The following GYPC variants were observed in gnomAD, a reference collection of about 807,000 sequenced individuals.
GYPC encodes glycophorin-C.
Under a neutral mutation model 12.6 loss-of-function variants are expected in GYPC, and 14 were observed. The observed-to-expected ratio is 1.11, with a 90% CI of 0.74 to 1.74. GYPC has a LOEUF of 1.74. Among genes scored for constraint, GYPC ranks in the 40% most tolerant of loss-of-function variants. The pLI is 0.00. For missense variants in GYPC, 225 were observed against 172.1 expected (o/e 1.31, Z -1.72); for synonymous variants, 78 against 62.1 (o/e 1.26, Z -1.20).
chr2:126,683,243 C>T (rs1444033854), intron 1 of GYPC, among the ~76,000 whole-genome samples: 1 of 152,052 alleles, frequency 6.6e-6, no homozygotes, highest in Non-Finnish European at 1.5e-5. Flanking sequence ...TCACTTGAAC[C>T]TGGGGGGCAG....
chr2:126,696,230 CCAGA>C lies in GYPC; in HGVS notation c.*93_*96del. On this transcript the variant is annotated 3_prime_UTR_variant, in exon 4 of 4. Coordinates refer to ENST00000259254, the MANE Select transcript of GYPC (RefSeq NM_002101.5). ...TCGCCCAGCACCCCTGCTGATACCA[CCAGA>C]CAGAGAGAGAGAGCACTTGATTCTT... is the stretch of plus-strand genomic sequence containing the variant. 1 of 936,722 alleles carries C rather than the reference CCAGA, an allele frequency of 1.1e-6. No homozygotes were observed. Among genetic ancestry groups the C allele is most frequent in the East Asian group, 2.6e-5 (1 of 38,444 alleles). The allele number at this position is 936,722 out of a possible 1,614,324, so 58.0% of individuals were successfully genotyped here.
At chr2:126,693,616 C>T (rs923756381) in intron 2 of GYPC, among the ~76,000 whole-genome samples, 8 of 152,164 alleles carry the variant, frequency 5.3e-5, no homozygotes, top group East Asian at 1.9e-4. Context: ...GCAGATAACT[C>T]AAATGGGCCT....
intron 1 of GYPC, among the ~76,000 whole-genome samples, chr2:126,665,469 C>T (rs1462936252): frequency 6.6e-6 from 1 of 152,182 alleles, no homozygotes; most frequent in Admixed American, 6.5e-5. Flanking sequence ...AAGCATCCCC[C>T]ATAGGTAAGG....
chr2:126,689,933 C>T (rs1683404850), intron 1 of GYPC, among the ~76,000 whole-genome samples: 1 of 152,244 alleles, frequency 6.6e-6, no homozygotes, highest in African/African-American at 2.4e-5. Flanking sequence ...TGCCTTCATA[C>T]ACAGCACAGA....
At chr2:126,681,786 A>G (rs1417502711) in intron 1 of GYPC, among the ~76,000 whole-genome samples, 9 of 149,022 alleles carry the variant, frequency 6.0e-5, no homozygotes, top group African/African-American at 1.9e-4. Context: ...TCCAAAAAAA[A>G]AAAAAAAAGA....
At chr2:126,669,882 T>C (rs1438162208) in intron 1 of GYPC, among the ~76,000 whole-genome samples, 1 of 152,170 alleles carries the variant, frequency 6.6e-6, no homozygotes, top group Non-Finnish European at 1.5e-5. Flanking sequence ...TCCAGGGTGG[T>C]GCTTTTGGTA....
chr2:126,693,777 T>G (rs970532746), intron 2 of GYPC, 87 bp from the exon 3 acceptor site: 16 of 896,350 alleles, frequency 1.8e-5, no homozygotes, highest in Non-Finnish European at 2.9e-5. Flanking sequence ...TGCTCACACC[T>G]GAGCAAAGGA....
intron 1 of GYPC, among the ~76,000 whole-genome samples, chr2:126,676,331 G>T (rs1682994081): frequency 6.6e-6 from 1 of 152,196 alleles, no homozygotes; most frequent in Admixed American, 6.5e-5. Context: ...GATGAACAAA[G>T]CCTCCTGTTT....
intron 1 of GYPC, among the ~76,000 whole-genome samples, chr2:126,677,669 C>A (rs1385480609): frequency 1.3e-5 from 2 of 152,064 alleles, no homozygotes; most frequent in Non-Finnish European, 2.9e-5. Flanking sequence ...ACACTCAGTG[C>A]TGCTTTGTAT....
At chr2:126,662,176 C>G (rs951520865) in intron 1 of GYPC, among the ~76,000 whole-genome samples, 2 of 152,196 alleles carry the variant, frequency 1.3e-5, no homozygotes, top group Non-Finnish European at 2.9e-5. Flanking sequence ...TCAGCACAGT[C>G]TTAAAAGGGG....
intron 2 of GYPC, 88 bp from the exon 3 acceptor site, chr2:126,693,776 C>G: frequency 2.3e-6 from 2 of 887,988 alleles, no homozygotes; most frequent in South Asian, 2.6e-5. Context: ...CTGCTCACAC[C>G]TGAGCAAAGG....
intron 1 of GYPC, among the ~76,000 whole-genome samples, chr2:126,656,582 G>T (rs1384559866): frequency 6.6e-6 from 1 of 152,258 alleles, no homozygotes; most frequent in Non-Finnish European, 1.5e-5. Context: ...CGCCCTCCCA[G>T]GGCGTGTCGC....
At chr2:126,682,642 C>T (rs1377943338) in intron 1 of GYPC, among the ~76,000 whole-genome samples, 1 of 152,184 alleles carries the variant, frequency 6.6e-6, no homozygotes, top group African/African-American at 2.4e-5. Context: ...GATGCAGGGG[C>T]AAGTCAGAGG....
intron 2 of GYPC, among the ~76,000 whole-genome samples, chr2:126,691,362 G>A (rs1251221149): frequency 6.6e-6 from 1 of 151,944 alleles, no homozygotes; most frequent in Admixed American, 6.6e-5. Flanking sequence ...CCACCCCTCT[G>A]GAGTCCCAGC....
Position 126,681,791 on chromosome 2 carries a change from AAAAG to A in GYPC, c.50-8448_50-8445del, listed in dbSNP as rs201316313. 1.5e-3 allele frequency among the ~76,000 whole-genome samples: 165 copies of A among 109,928 alleles called. 1 individual carries two copies. In the East Asian group the frequency reaches 0.041, roughly 28 times the overall value. 72.1% of individuals were successfully genotyped at this position (109,928 alleles called of 152,430 possible). A position where few individuals can be genotyped will look rare whatever the true frequency, so the allele number is the denominator to read the frequency against. On this transcript the variant is annotated intron_variant, in intron 1 of 3. Coordinates refer to ENST00000259254, the MANE Select transcript of GYPC (RefSeq NM_002101.5). ...AAAAACTTCATCCAAAAAAAAAAAA[AAAAG>A]AAAGAAAGAAAGAAAAGAAAAGAAA...
chr2:126,689,424 G>C (rs1683388838), intron 1 of GYPC, among the ~76,000 whole-genome samples: 1 of 152,056 alleles, frequency 6.6e-6, no homozygotes, highest in South Asian at 2.1e-4. Flanking sequence ...GCAACACCTG[G>C]TGCTATGGTT....
At chr2:126,690,830 G>T (rs1683441745) in intron 2 of GYPC, among the ~76,000 whole-genome samples, 1 of 152,090 alleles carries the variant, frequency 6.6e-6, no homozygotes, top group African/African-American at 2.4e-5. Flanking sequence ...TCATGGCTGT[G>T]ACTGCAAACT....
chr2:126,659,490 G>C (rs1050845047), intron 1 of GYPC, among the ~76,000 whole-genome samples: 3 of 152,122 alleles, frequency 2.0e-5, no homozygotes, highest in Admixed American at 6.5e-5. Flanking sequence ...TCTGTGAGTG[G>C]GAATGATAAC....
chr2:126,667,238 C>T (rs906281567), intron 1 of GYPC, among the ~76,000 whole-genome samples: 7 of 152,188 alleles, frequency 4.6e-5, no homozygotes, highest in African/African-American at 1.4e-4. Context: ...GGGTTCAGCA[C>T]TAAGTCTCCC....
Sources: gnomAD v4.1 joint callset for allele counts (sites outside exome capture counted in the v4.1 genomes callset) on GRCh38, gnomAD v4.1.1 for gene constraint, MANE v1.5 for transcripts, NCBI Gene and HGNC (gene_info 2026-07-23, HGNC 2026-07-21) for gene names.